Variants in FAM53A observed in about 807,000 individuals in gnomAD.
FAM53A encodes the protein family with sequence similarity 53 member A, also known as protein FAM53A.
In FAM53A, 28 loss-of-function variants were observed where a neutral mutation model predicts 26.6. The ratio of observed to expected loss-of-function variants is 1.05; its 90% CI spans 0.78 to 1.45. The LOEUF (loss-of-function observed/expected upper bound fraction) is 1.45, where lower values mean the gene tolerates loss of function less well. FAM53A is among the 40% of genes most tolerant of loss of function. The pLI, the probability that FAM53A is intolerant of heterozygous loss-of-function variation, is 0.00. For synonymous variants in FAM53A, 290 were observed against 253.1 expected (o/e 1.15, Z -1.38); for missense variants, 650 against 575.8 (o/e 1.13, Z -1.32).
intron 1 of FAM53A, among the ~76,000 whole-genome samples, chr4:1,674,910 C>T (rs1014267356): frequency 6.6e-6 from 1 of 152,130 alleles, no homozygotes. Context: ...CTCCAGTCTG[C>T]GTGAGGGAAG....
chr4:1,674,223 T>C (rs1420035310), intron 1 of FAM53A, among the ~76,000 whole-genome samples: 1 of 152,186 alleles, frequency 6.6e-6, no homozygotes, highest in East Asian at 1.9e-4. Flanking sequence ...TCCTGGCTTA[T>C]AGCTGTACCA....
chr4:1,576,412 C>A, the FAM53A span, among the ~76,000 whole-genome samples: 2 of 152,182 alleles, frequency 1.3e-5, no homozygotes, highest in East Asian at 3.9e-4. Flanking sequence ...CCAGAGCACC[C>A]CACAGCTGCC....
rs1465029741 is a variant in FAM53A at position 1,668,621 on chromosome 4, G to A, written c.75+46C>T. 14 of 1,602,018 alleles carry A rather than the reference G, an allele frequency of 8.7e-6. No individual in the cohort carries two copies. In the African/African-American group the frequency reaches 1.6e-4, roughly 18 times the overall value. ...CCAGTGTGGCCATTCCCCTGTGACA[G>A]CACGGGGGAGGGGCACCCAGCCTGG... On this transcript the variant is annotated intron_variant, in intron 2 of 4. Coordinates refer to ENST00000308132, the MANE Select transcript of FAM53A (RefSeq NM_001174070.3).
chr4:1,594,981 C>T, the FAM53A span, among the ~76,000 whole-genome samples: 14 of 152,218 alleles, frequency 9.2e-5, no homozygotes, highest in African/African-American at 7.2e-5. Flanking sequence ...CAGGCAAAGC[C>T]GTGCACAGGC....
chr4:1,636,976 C>A (rs1012026137), downstream of FAM53A, among the ~76,000 whole-genome samples: 1 of 152,198 alleles, frequency 6.6e-6, no homozygotes, highest in African/African-American at 2.4e-5. Context: ...CCCCCCAGGG[C>A]ACTGGCTGAG....
intron 1 of FAM53A, among the ~76,000 whole-genome samples, chr4:1,672,193 CCCAGGAA>C (rs1560201563): frequency 1.1e-5 from 1 of 94,334 alleles, no homozygotes; most frequent in African/African-American, 3.5e-5. Flanking sequence ...GACCCACGGA[CCCAGGAA>C]CCAGGAACCC....
chr4:1,599,517 G>C, the FAM53A span, among the ~76,000 whole-genome samples: 886 of 152,298 alleles, frequency 5.8e-3, 10 homozygotes, highest in African/African-American at 0.02. The surrounding 1 kb of genome is among the most constrained non-coding windows in gnomAD (Gnocchi z 6.1). Flanking sequence ...GAGGCGTGCG[G>C]CCTCGTCAGC....
chr4:1,578,241 C>A, the FAM53A span, among the ~76,000 whole-genome samples: 2 of 152,186 alleles, frequency 1.3e-5, no homozygotes, highest in African/African-American at 4.8e-5. Context: ...CCTATTAATT[C>A]TCCTAATTAG....
At chr4:1,671,713 T>A (rs1207019049) in intron 1 of FAM53A, among the ~76,000 whole-genome samples, 2 of 152,200 alleles carry the variant, frequency 1.3e-5, no homozygotes, top group East Asian at 3.9e-4. Context: ...CACCAACCAC[T>A]CCTGCAAGGT....
chr4:1,656,402 G>A (rs2108916726), intron 3 of FAM53A, among the ~76,000 whole-genome samples: 1 of 152,356 alleles, frequency 6.6e-6, no homozygotes, highest in African/African-American at 2.4e-5. Context: ...AGTGGCTTGT[G>A]CAGTCACTGT....
chr4:1,590,980 ATATATATATATAT>A, the FAM53A span, among the ~76,000 whole-genome samples: 1 of 130,128 alleles, frequency 7.7e-6, no homozygotes, highest in African/African-American at 2.9e-5. Context: ...ATATATATAT[ATATATATATATAT>A]ATATATATAA....
At chr4:1,602,830 C>T in the FAM53A span, among the ~76,000 whole-genome samples, 5 of 152,094 alleles carry the variant, frequency 3.3e-5, no homozygotes, top group Non-Finnish European at 7.4e-5. Context: ...GGTCTGAGGG[C>T]AGCAGGAGCC....
the FAM53A span, among the ~76,000 whole-genome samples, chr4:1,588,880 T>C: frequency 2.0e-5 from 3 of 152,210 alleles, no homozygotes; most frequent in East Asian, 3.9e-4. Context: ...ATAAGTTCTA[T>C]TGATGTATCT....
the FAM53A span, among the ~76,000 whole-genome samples, chr4:1,612,637 T>C: frequency 1.3e-4 from 20 of 152,330 alleles, no homozygotes; most frequent in South Asian, 1.5e-3. Context: ...GCCTGGTGCA[T>C]GCACACACGC....
At chr4:1,589,749 C>T in the FAM53A span, among the ~76,000 whole-genome samples, 1 of 151,990 alleles carries the variant, frequency 6.6e-6, no homozygotes, top group African/African-American at 2.4e-5. Context: ...ATTATTTTTG[C>T]CATTATTTTC....
At chr4:1,644,865 C>T (rs1560142928) in intron 4 of FAM53A, 1 of 154,422 alleles carries the variant, frequency 6.5e-6, no homozygotes, top group Non-Finnish European at 1.4e-5. Context: ...GGGAAGCCTC[C>T]TACGAGCTGA....
At chr4:1,641,659 G>A (rs892300197) in intron 4 of FAM53A, 52 bp from the exon 5 acceptor site, 4 of 1,591,206 alleles carry the variant, frequency 2.5e-6, no homozygotes, top group Non-Finnish European at 3.4e-6. Context: ...TCACACAGGA[G>A]GCAGCATCCC....
At chr4:1,629,391 G>A (rs1041641194) in intron 1 of FAM53A, among the ~76,000 whole-genome samples, 21 of 152,204 alleles carry the variant, frequency 1.4e-4, no homozygotes, top group Non-Finnish European at 1.3e-4. Flanking sequence ...CAGGGAAAGC[G>A]GAGCCTGGGG....
rs1040700582 is a variant in FAM53A at position 1,684,251 on chromosome 4, G to T, written c.-183C>A. Reference sequence around the variant, plus strand: ...TCGGTACCTGAGCGCGGCCGCGGGGGTGCGGAGCGAGAAGACTGCCGGCCG... The same window carrying T: ...TCGGTACCTGAGCGCGGCCGCGGGGTTGCGGAGCGAGAAGACTGCCGGCCG... On this transcript the variant is annotated 5_prime_UTR_variant, in exon 1 of 5. Transcript: ENST00000308132. The T allele has an allele frequency of 1.3e-5, 2 of 151,140 alleles. No homozygotes were observed. The highest frequency in any genetic ancestry group is 2.4e-5 in the African/African-American group (1 of 41,222). The allele number at this position is 151,140 out of a possible 1,614,324, so 9.4% of individuals were successfully genotyped here. A position where few individuals can be genotyped will look rare whatever the true frequency, so the allele number is the denominator to read the frequency against.
Sources: allele counts gnomAD v4.1 joint callset (sites outside exome capture counted in the v4.1 genomes callset), GRCh38; gene constraint gnomAD v4.1.1; non-coding constraint Gnocchi (gnomAD v3.1); transcripts MANE v1.5; gene names NCBI Gene and HGNC (gene_info 2026-07-23, HGNC 2026-07-21).